The following LITAF variants were observed in gnomAD, a reference collection of about 807,000 sequenced individuals.
The protein encoded by LITAF is lipopolysaccharide induced TNF factor, also known as lipopolysaccharide-induced tumor necrosis factor-alpha factor.
LITAF carries 9 observed loss-of-function variants against 14.5 expected under a neutral mutation model. The ratio of observed to expected loss-of-function variants is 0.62; its 90% confidence interval spans 0.37 to 1.08. LITAF has a LOEUF of 1.08. LITAF is among the 50% of genes least tolerant of loss of function. The probability of loss-of-function intolerance (pLI) is 0.01; values close to 1 mark genes in which losing one functional copy is unlikely to be tolerated. For synonymous variants in LITAF, 98 were observed against 88.2 expected (o/e 1.11, Z -0.62); for missense variants, 206 against 213.4 (o/e 0.97, Z 0.22).
In LITAF at chr16:11,597,624, T is replaced by C. The variant is rs187036914; in HGVS notation, c.-6+764A>G. ...GCTCAGCCCCCATGCTGTGGAGAGC[T>C]TAGAGCTTTCTAGATGGCCCAGATC... is the stretch of plus-strand genomic sequence containing the variant. On this transcript the variant is annotated intron_variant, in intron 1 of 3. Transcript: ENST00000571627. 3.3e-5 allele frequency among the ~76,000 whole-genome samples: 5 copies of C among 152,254 alleles called. No individual in the cohort carries two copies. In the East Asian group the frequency reaches 9.7e-4, roughly 29 times the overall value.
At chr16:11,607,744 C>T (rs1041918513) in intron 3 of LITAF, among the ~76,000 whole-genome samples, 1 of 152,094 alleles carries the variant, frequency 6.6e-6, no homozygotes, top group African/African-American at 2.4e-5. Context: ...ATCACCAGAC[C>T]AGGGTTCATC....
chr16:11,551,920 CTT>C lies in LITAF; in HGVS notation c.377+1611_377+1612del, dbSNP rs34257398. On this transcript the variant is annotated intron_variant, in intron 3 of 3. Coordinates refer to ENST00000622633, the MANE Select transcript of LITAF (RefSeq NM_001136472.2). ...AATACAAATATCCAGAGGCAATGGA[CTT>C]TTTTTTTTTTTAAGCATTTTCTGCC... 7,121 of 366,026 alleles carry C rather than the reference CTT, an allele frequency of 0.019. 168 individuals are homozygous for C. The highest frequency in any genetic ancestry group is 0.087 in the African/African-American group (3,997 of 46,202). The allele number at this position is 366,026 out of a possible 1,614,324, so 22.7% of individuals were successfully genotyped here. A position where few individuals can be genotyped will look rare whatever the true frequency, so the allele number is the denominator to read the frequency against.
intron 3 of LITAF, among the ~76,000 whole-genome samples, chr16:11,615,864 G>C (rs1410873091): frequency 6.6e-6 from 1 of 152,128 alleles, no homozygotes; most frequent in Non-Finnish European, 1.5e-5. Context: ...GACTCAGTGT[G>C]GGGGTACCTA....
rs528324285 is a variant in LITAF, at chr16:11,550,898, C to T, written c.378-1153G>A. On this transcript the variant is annotated intron_variant, in intron 3 of 3. Coordinates refer to ENST00000622633, the MANE Select transcript of LITAF (RefSeq NM_001136472.2). ...CACAGAGAATCCAAAAACCAACAGG[C>T]GTGGCTGTGTTCCCGTAAAACTTAA... Among the ~76,000 whole-genome samples the T allele has an allele frequency of 5.9e-5, 9 of 152,306 alleles. No homozygotes were observed. The East Asian group carries it at 1.2e-3, about 20-fold the overall frequency.
At chr16:11,578,117 T>C (rs926018472) in intron 1 of LITAF, among the ~76,000 whole-genome samples, 8 of 152,114 alleles carry the variant, frequency 5.3e-5, no homozygotes, top group African/African-American at 1.9e-4. Flanking sequence ...CAGGCCGGTC[T>C]TAAACTCGTG....
chr16:11,621,417 C>G (rs1436678103), intron 3 of LITAF, among the ~76,000 whole-genome samples: 1 of 152,144 alleles, frequency 6.6e-6, no homozygotes, highest in African/African-American at 2.4e-5. Context: ...GTAGCCCAGG[C>G]TGGTCTTTAA....
At chr16:11,567,192 G>A (rs1191643325) in intron 1 of LITAF, among the ~76,000 whole-genome samples, 1 of 152,158 alleles carries the variant, frequency 6.6e-6, no homozygotes, top group Non-Finnish European at 1.5e-5. Context: ...GGCCGAGGCA[G>A]GCGGATTACC....
intron 2 of LITAF, among the ~76,000 whole-genome samples, chr16:11,555,393 A>T (rs1567236641): frequency 6.6e-6 from 1 of 152,200 alleles, no homozygotes; most frequent in South Asian, 2.1e-4. Flanking sequence ...TCTGTGACTC[A>T]TGCTGATAAT....
In LITAF at chr16:11,605,555, G is replaced by A. The variant is rs1035077132; in HGVS notation, c.85+27978C>T. ...GGAAGGAAGGGAAGAAAAGGAGAAA[G>A]AAGGGAGGGAAAAAGAGAAATGAAA... On this transcript the variant is annotated intron_variant, in intron 3 of 3. Coordinates refer to the LITAF transcript ENST00000574848. This position sits in a 1 kb window ranked among gnomAD's most constrained non-coding sequence, Gnocchi z 4.7. 2.6e-5 allele frequency among the ~76,000 whole-genome samples: 4 copies of A among 152,170 alleles called. No individual in the cohort carries two copies. The highest frequency in any genetic ancestry group is 4.8e-5 in the African/African-American group (2 of 41,444).
chr16:11,557,760 T>C (rs374293726), intron 1 of LITAF, among the ~76,000 whole-genome samples: 163 of 152,338 alleles, frequency 1.1e-3, no homozygotes, highest in Middle Eastern at 6.8e-3. Flanking sequence ...CTCTGTGTTA[T>C]AGCTTTTTAA....
intron 1 of LITAF, among the ~76,000 whole-genome samples, chr16:11,568,458 C>T (rs947457320): frequency 6.6e-6 from 1 of 152,042 alleles, no homozygotes; most frequent in Non-Finnish European, 1.5e-5. Context: ...GCCACTTGTT[C>T]AATGGGGACA....
rs547734583 is a variant in LITAF at position 11,605,743 on chromosome 16, G to T, written c.85+27790C>A. Among the ~76,000 whole-genome samples, 1 of 152,254 alleles carries T rather than the reference G, an allele frequency of 6.6e-6. No individual in the cohort carries two copies. Among genetic ancestry groups the T allele is most frequent in the African/African-American group, 2.4e-5 (1 of 41,542 alleles). The stretch of plus-strand genomic sequence containing the variant: ...ATTGCACCACTGCACTCTAGCCTGG[G>T]CAACAGAGTGAGACCCTGTCTCTAA... On this transcript the variant is annotated intron_variant, in intron 3 of 3. Transcript: ENST00000574848. This position sits in a 1 kb window ranked among gnomAD's most constrained non-coding sequence, Gnocchi z 4.7.
intron 1 of LITAF, among the ~76,000 whole-genome samples, chr16:11,576,990 A>T (rs2064646966): frequency 6.6e-6 from 1 of 152,200 alleles, no homozygotes; most frequent in Non-Finnish European, 1.5e-5. Context: ...GGTGGTGGAC[A>T]TTGCCTGTCA....
chr16:11,619,032 C>T (rs1436048226), intron 3 of LITAF, among the ~76,000 whole-genome samples: 4 of 149,898 alleles, frequency 2.7e-5, no homozygotes, highest in Admixed American at 2.0e-4. Flanking sequence ...CAGCACTGCC[C>T]GGGCACGGTG....
chr16:11,548,802 C>G lies in LITAF; in HGVS notation c.*835G>C, dbSNP rs1301839439. 1 of 453,126 alleles carries G rather than the reference C, an allele frequency of 2.2e-6. No homozygotes were observed. The highest frequency in any genetic ancestry group is 4.4e-6 in the Non-Finnish European group (1 of 226,638). The allele number at this position is 453,126 out of a possible 1,614,324, so 28.1% of individuals were successfully genotyped here. On this transcript the variant is annotated 3_prime_UTR_variant, in exon 4 of 4. Transcript: ENST00000622633. ...ACCAGCCTGGGCAACATAGTAAGACCCCATCTCTGTTTTTTTTTAAAAAAA... is the reference window on the plus strand; with the variant it reads ...ACCAGCCTGGGCAACATAGTAAGACGCCATCTCTGTTTTTTTTTAAAAAAA...
At chr16:11,577,931 C>G (rs1414794196) in intron 1 of LITAF, among the ~76,000 whole-genome samples, 1 of 151,492 alleles carries the variant, frequency 6.6e-6, no homozygotes, top group Admixed American at 6.6e-5. Context: ...GCTCATTCCA[C>G]TATTTCCAGG....
In LITAF at chr16:11,547,853, T is replaced by C. The variant is rs1281584208; in HGVS notation, c.*1784A>G. On this transcript the variant is annotated 3_prime_UTR_variant, in exon 4 of 4. Coordinates refer to ENST00000622633, the MANE Select transcript of LITAF (RefSeq NM_001136472.2). ...TCCACCCAACTCAACATCGGTCATC[T>C]TGACATTGCAGGATATTCAGCAAGT... is the stretch of plus-strand genomic sequence containing the variant. The C allele has an allele frequency of 4.4e-6, 2 of 454,056 alleles. No homozygotes were observed. The highest frequency in any genetic ancestry group is 8.8e-6 in the Non-Finnish European group (2 of 226,818). 28.1% of individuals were successfully genotyped at this position (454,056 alleles called of 1,614,324 possible).
chr16:11,620,009 A>G (rs560813122), intron 3 of LITAF, among the ~76,000 whole-genome samples: 53 of 151,948 alleles, frequency 3.5e-4, no homozygotes, highest in Non-Finnish European at 4.1e-4. Flanking sequence ...CTCTACTAAA[A>G]ATACAAAAAT....
Position 11,603,771 on chromosome 16 carries a change from G to A in LITAF, c.85+29762C>T, listed in dbSNP as rs375402615. 2.2e-4 allele frequency among the ~76,000 whole-genome samples: 34 copies of A among 152,322 alleles called. 1 individual carries two copies. The highest frequency in any genetic ancestry group is 3.4e-3 in the Middle Eastern group (1 of 294). ...TTTAAGAATCCACTAGAGGCCGGGCGCAGGGGCTCACGCCTGTAATCCCAG... is the reference window on the plus strand; with the variant it reads ...TTTAAGAATCCACTAGAGGCCGGGCACAGGGGCTCACGCCTGTAATCCCAG... On this transcript the variant is annotated intron_variant, in intron 3 of 3. Transcript: ENST00000574848.
Sources: allele counts gnomAD v4.1 joint callset (sites outside exome capture counted in the v4.1 genomes callset), GRCh38; gene constraint gnomAD v4.1.1; non-coding constraint Gnocchi (gnomAD v3.1); transcripts MANE v1.5; gene names NCBI Gene and HGNC (gene_info 2026-07-23, HGNC 2026-07-21).